Variants in DGLUCY observed in about 807,000 individuals in gnomAD.
DGLUCY encodes the protein D-glutamate cyclase, mitochondrial.
In DGLUCY, 58 loss-of-function variants were observed where a neutral mutation model predicts 58.5. The observed-to-expected ratio is 0.99, with a 90% CI of 0.80 to 1.23. The LOEUF is 1.23. Among genes scored for constraint, DGLUCY ranks in the 50% most tolerant of loss-of-function variants. DGLUCY has a pLI of 0.00. For synonymous variants in DGLUCY, 325 were observed against 314.1 expected (o/e 1.03, Z -0.37); for missense variants, 779 against 784.7 (o/e 0.99, Z 0.09).
intron 8 of DGLUCY, among the ~76,000 whole-genome samples, chr14:91,187,840 T>C (rs2049616275): frequency 6.6e-6 from 1 of 152,100 alleles, no homozygotes; most frequent in African/African-American, 2.4e-5. Flanking sequence ...TCACTCACAA[T>C]CCTTTACTGT....
At chr14:91,108,196 C>T (rs1288786350) in intron 1 of DGLUCY, 1 of 152,212 alleles carries the variant, frequency 6.6e-6, no homozygotes, top group Non-Finnish European at 1.5e-5. Flanking sequence ...AGTGAGGAAG[C>T]AATAGGGCCA....
intron 7 of DGLUCY, among the ~76,000 whole-genome samples, chr14:91,179,098 C>T (rs761923482): frequency 1.3e-5 from 2 of 152,128 alleles, no homozygotes; most frequent in Non-Finnish European, 2.9e-5. Context: ...ATTTGTTGAA[C>T]ACCTATTATG....
chr14:91,181,385 C>G lies in DGLUCY; in HGVS notation c.930C>G (p.Asp310Glu). Residue 310 changes from aspartate to glutamate, a missense_variant, in exon 8 of 14, where the codon GAC becomes GAG. By Grantham distance (45) the Asp-to-Glu change is conservative. Transcript: ENST00000256324. ...IRELESMIGI[D>E]PGNRGIGHLL... ...AACTAGAGTCTATGATCGGCATAGA[C>G]CCAGGTAAGAAACAACACATTTGCT... is the stretch of plus-strand genomic sequence containing the variant. 1 of 1,612,514 alleles carries G rather than the reference C, an allele frequency of 6.2e-7. No individual in the cohort carries two copies. Among genetic ancestry groups the G allele is most frequent in the Non-Finnish European group, 8.5e-7 (1 of 1,179,504 alleles).
chr14:91,201,272 G>A lies in DGLUCY; in HGVS notation c.1444+1367G>A, dbSNP rs1244943637. The stretch of plus-strand genomic sequence containing the variant: ...CGTGCAGGTCACAGGGGATATGATG[G>A]CTTAGCTTGGGCTCAGAGGCCTGAC... On this transcript the variant is annotated intron_variant, in intron 11 of 13. Coordinates refer to ENST00000256324, the MANE Select transcript of DGLUCY (RefSeq NM_001102368.3). 1.1e-4 allele frequency among the ~76,000 whole-genome samples: 16 copies of A among 151,078 alleles called. No homozygotes were observed. In the East Asian group the frequency reaches 3.0e-3, roughly 28 times the overall value.
Position 91,174,642 on chromosome 14 carries a change from A to G in DGLUCY, c.607+1203A>G, listed in dbSNP as rs140121794. Reference sequence around the variant, plus strand: ...TTATGATAAACTGGTATACATAAGTAAATGTTTCCTCAAGGTCTGTGAGCT... The same window carrying G: ...TTATGATAAACTGGTATACATAAGTGAATGTTTCCTCAAGGTCTGTGAGCT... On this transcript the variant is annotated intron_variant, in intron 6 of 13. Transcript: ENST00000256324. 2.6e-4 allele frequency among the ~76,000 whole-genome samples: 39 copies of G among 152,326 alleles called. No individual in the cohort carries two copies. The South Asian group carries it at 6.0e-3, about 23-fold the overall frequency.
chr14:91,108,526 T>TGTGTGTGTGAGAGA (rs1265665234), intron 1 of DGLUCY, among the ~76,000 whole-genome samples: 15 of 52,178 alleles, frequency 2.9e-4, no homozygotes, highest in South Asian at 2.7e-3. Context: ...TGTGTGTGTG[T>TGTGTGTGTGAGAGA]GAGAGAGAGA....
rs556188837 is a variant in DGLUCY, at chr14:91,173,917, C to T, written c.607+478C>T. 1.5e-4 allele frequency among the ~76,000 whole-genome samples: 23 copies of T among 152,024 alleles called. 1 individual carries two copies. The highest frequency in any genetic ancestry group is 5.2e-4 in the Admixed American group (8 of 15,276). ...TTTGTCCACAATTCCTGGCTCATAA[C>T]TCCTAAAATTCTTGGAACCTCCAAA... On this transcript the variant is annotated intron_variant, in intron 6 of 13. Coordinates refer to ENST00000256324, the MANE Select transcript of DGLUCY (RefSeq NM_001102368.3).
At chr14:91,210,448 C>A (rs1412969245) in intron 12 of DGLUCY, among the ~76,000 whole-genome samples, 1 of 152,116 alleles carries the variant, frequency 6.6e-6, no homozygotes, top group African/African-American at 2.4e-5. Flanking sequence ...AGGAGGATTG[C>A]TTGAGTTTAG....
intron 1 of DGLUCY, among the ~76,000 whole-genome samples, chr14:91,061,813 A>AT (rs1040844840): frequency 6.6e-6 from 1 of 152,084 alleles, no homozygotes; most frequent in Non-Finnish European, 1.5e-5. Context: ...AAGAGTGCAG[A>AT]TTTTTTTTAG....
At chr14:91,221,907 A>G (rs1231732903) in intron 13 of DGLUCY, among the ~76,000 whole-genome samples, 1 of 151,970 alleles carries the variant, frequency 6.6e-6, no homozygotes, top group African/African-American at 2.4e-5. Context: ...GAGCGGCATC[A>G]TCACCTCCCA....
intron 12 of DGLUCY, 70 bp from the exon 13 acceptor site, chr14:91,215,335 T>A: frequency 6.5e-7 from 1 of 1,542,418 alleles, no homozygotes. Context: ...ATAGTTCTGC[T>A]TCCTAGAGGC....
intron 1 of DGLUCY, among the ~76,000 whole-genome samples, chr14:91,084,859 G>A (rs1041269145): frequency 2.6e-5 from 4 of 152,182 alleles, no homozygotes; most frequent in African/African-American, 9.6e-5. Flanking sequence ...ATTTTTGTGT[G>A]TCACAATTGT....
chr14:91,117,338 C>G (rs986472763), intron 1 of DGLUCY, among the ~76,000 whole-genome samples: 1 of 152,156 alleles, frequency 6.6e-6, no homozygotes, highest in South Asian at 2.1e-4. Flanking sequence ...TACCTCCTAT[C>G]TCATCCTGTG....
At chr14:91,077,074 C>G (rs1220098954) in intron 1 of DGLUCY, among the ~76,000 whole-genome samples, 1 of 152,026 alleles carries the variant, frequency 6.6e-6, no homozygotes, top group South Asian at 2.1e-4. Flanking sequence ...GAGAGCCTGT[C>G]TCTACAAAAA....
chr14:91,100,633 T>G (rs1460590228), intron 1 of DGLUCY, among the ~76,000 whole-genome samples: 2 of 152,314 alleles, frequency 1.3e-5, no homozygotes, highest in East Asian at 3.9e-4. Context: ...GCATCCCATC[T>G]TCTTCCACTG....
rs559108697 is a variant in DGLUCY at position 91,137,585 on chromosome 14, C to T, written c.-81-20054C>T. Among the ~76,000 whole-genome samples, 28 of 148,580 alleles carry T rather than the reference C, an allele frequency of 1.9e-4. 1 individual carries two copies. Among genetic ancestry groups the T allele is most frequent in the South Asian group, 4.2e-4 (2 of 4,730 alleles). ...TTTTTTTTTTGTATTTTAGTACAGACGGGGTTTCACCATGTTGGCCAGGAT... is the reference window on the plus strand; with the variant it reads ...TTTTTTTTTTGTATTTTAGTACAGATGGGGTTTCACCATGTTGGCCAGGAT... On this transcript the variant is annotated intron_variant, in intron 1 of 13. Transcript: ENST00000256324.
chr14:91,193,312 C>T (rs1016003952), intron 9 of DGLUCY, among the ~76,000 whole-genome samples: 1 of 152,128 alleles, frequency 6.6e-6, no homozygotes, highest in African/African-American at 2.4e-5. Flanking sequence ...CAGCTGCCCC[C>T]TTCCCAGAAG....
Position 91,225,521 on chromosome 14 carries a change from T to C in DGLUCY, c.*688T>C, listed in dbSNP as rs1017683152. 2 of 152,246 alleles carry C rather than the reference T, an allele frequency of 1.3e-5. No homozygotes were observed. Among genetic ancestry groups the C allele is most frequent in the Admixed American group, 1.3e-4 (2 of 15,290 alleles). 9.4% of individuals were successfully genotyped at this position (152,246 alleles called of 1,614,324 possible). A position where few individuals can be genotyped will look rare whatever the true frequency, so the allele number is the denominator to read the frequency against. On this transcript the variant is annotated 3_prime_UTR_variant, in exon 14 of 14. Transcript: ENST00000256324. ...GACTGTCATGGTATTGCAGTGCTTA[T>C]ATTCAAGAACCTCTTATGTGACTCA...
At chr14:91,217,830 T>C (rs562208502) in intron 13 of DGLUCY, among the ~76,000 whole-genome samples, 1 of 152,228 alleles carries the variant, frequency 6.6e-6, no homozygotes, top group South Asian at 2.1e-4. Flanking sequence ...CCCTGTCTCT[T>C]CCCTTTTTCC....
Sources: gnomAD v4.1 joint callset for allele counts (sites outside exome capture counted in the v4.1 genomes callset) on GRCh38, gnomAD v4.1.1 for gene constraint, MANE v1.5 for transcripts, NCBI Gene and HGNC (gene_info 2026-07-23, HGNC 2026-07-21) for gene names.